The following PRKN variants were observed in gnomAD, a reference collection of about 807,000 sequenced individuals.
PRKN encodes E3 ubiquitin-protein ligase parkin.
A neutral mutation model predicts 59.5 loss-of-function variants in PRKN; 56 were observed. The ratio of observed to expected loss-of-function variants is 0.94; its 90% CI spans 0.76 to 1.18. The LOEUF (loss-of-function observed/expected upper bound fraction) is 1.18. Among genes scored for constraint, PRKN ranks in the 50% most tolerant of loss-of-function variants. The pLI, the probability that PRKN is intolerant of heterozygous loss-of-function variation, is 0.00. For synonymous variants in PRKN, 250 were observed against 222.1 expected (o/e 1.13, Z -1.12); for missense variants, 657 against 596.4 (o/e 1.10, Z -1.06).
intron 7 of PRKN, among the ~76,000 whole-genome samples, chr6:161,731,169 C>T (rs990640142): frequency 1.3e-5 from 2 of 152,218 alleles, no homozygotes; most frequent in South Asian, 2.1e-4. Flanking sequence ...TGATGTGTTG[C>T]ATTCTGATAT....
intron 6 of PRKN, among the ~76,000 whole-genome samples, chr6:161,947,970 AT>A (rs1779843509): frequency 6.6e-6 from 1 of 151,814 alleles, no homozygotes; most frequent in African/African-American, 2.4e-5. Context: ...TTGAGATGCA[AT>A]TTCTTTCTTT....
intron 1 of PRKN, among the ~76,000 whole-genome samples, chr6:162,561,555 G>A (rs1050176385): frequency 1.3e-5 from 2 of 152,104 alleles, no homozygotes; most frequent in African/African-American, 4.8e-5. Flanking sequence ...AGGCACTGAA[G>A]TGATTTAAAA....
intron 9 of PRKN, among the ~76,000 whole-genome samples, chr6:161,425,135 C>T (rs1283857641): frequency 6.6e-6 from 1 of 152,122 alleles, no homozygotes; most frequent in East Asian, 1.9e-4. Context: ...CTCTCACACA[C>T]ACTTACTTTA....
Position 161,977,541 on chromosome 6 carries a change from G to GTTTTT in PRKN, c.619-4125_619-4124insAAAAA, listed in dbSNP as rs1562433349. Among the ~76,000 whole-genome samples the GTTTTT allele has an allele frequency of 3.8e-3, 375 of 98,570 alleles. 15 individuals carry two copies. The highest frequency in any genetic ancestry group is 9.4e-3 in the African/African-American group (204 of 21,652). 64.7% of individuals were successfully genotyped at this position (98,570 alleles called of 152,430 possible). ...TATCTTCTCTACTTTCTGTTTTTTT[G>GTTTTT]GTTTTTTTTTTTTTTTTTTTTTTTA... is the stretch of plus-strand genomic sequence containing the variant. On this transcript the variant is annotated intron_variant, in intron 5 of 11. Coordinates refer to ENST00000366898, the MANE Select transcript of PRKN (RefSeq NM_004562.3).
At chr6:161,668,619 G>A (rs905345640) in intron 7 of PRKN, among the ~76,000 whole-genome samples, 4 of 152,116 alleles carry the variant, frequency 2.6e-5, no homozygotes, top group African/African-American at 4.8e-5. Flanking sequence ...AGTTAGGGTC[G>A]GACAAGTACA....
rs1249853400 is a variant in PRKN, at chr6:161,353,069, C to T, written c.1286-2858G>A. Among the ~76,000 whole-genome samples, 7 of 152,096 alleles carry T rather than the reference C, an allele frequency of 4.6e-5. No homozygotes were observed. Among genetic ancestry groups the T allele is most frequent in the African/African-American group, 1.4e-4 (6 of 41,408 alleles). On this transcript the variant is annotated intron_variant, in intron 11 of 11. Coordinates refer to ENST00000366898, the MANE Select transcript of PRKN (RefSeq NM_004562.3). The surrounding 1 kb of genome is among the most constrained non-coding windows in gnomAD (Gnocchi z 4.8). ...CTGGGATTACAGGCATGAGCCACCG[C>T]GCCTGGCTGATAGATGTGTTTTTCA...
chr6:162,160,979 A>C (rs1782732799), intron 4 of PRKN, among the ~76,000 whole-genome samples: 1 of 150,694 alleles, frequency 6.6e-6, no homozygotes, highest in Non-Finnish European at 1.5e-5. Context: ...AGGAAGAGGC[A>C]CCTTATGCAG....
At chr6:161,383,019 G>A (rs1466578759) in intron 10 of PRKN, among the ~76,000 whole-genome samples, 2 of 152,186 alleles carry the variant, frequency 1.3e-5, no homozygotes, top group Non-Finnish European at 2.9e-5. Flanking sequence ...GGGCTGATGA[G>A]GGTATTTAGT....
chr6:162,432,913 CA>C, intron 2 of PRKN, among the ~76,000 whole-genome samples: 1 of 152,232 alleles, frequency 6.6e-6, no homozygotes, highest in Non-Finnish European at 1.5e-5. Flanking sequence ...ACATTCAGTG[CA>C]TTAAAAAAGT....
rs1013108752 is a variant in PRKN, at chr6:161,410,770, G to T, written c.1084-23893C>A. ...ATGCATCATTGGTGCTCATGACAAC[G>T]GCACGCCAAGGGGCTTGATGGCAGC... On this transcript the variant is annotated intron_variant, in intron 9 of 11. Transcript: ENST00000366898. The surrounding 1 kb of genome is among the most constrained non-coding windows in gnomAD (Gnocchi z 5.3). 2.0e-5 allele frequency among the ~76,000 whole-genome samples: 3 copies of T among 152,126 alleles called. No homozygotes were observed. Among genetic ancestry groups the T allele is most frequent in the Admixed American group, 6.5e-5 (1 of 15,276 alleles).
At chr6:162,183,267 G>T (rs1783878292) in intron 4 of PRKN, among the ~76,000 whole-genome samples, 1 of 152,130 alleles carries the variant, frequency 6.6e-6, no homozygotes, top group Non-Finnish European at 1.5e-5. Context: ...GTCCTAAGGA[G>T]ACATGTAAGG....
At chr6:162,207,030 G>T (rs1464267568) in intron 3 of PRKN, among the ~76,000 whole-genome samples, 1 of 152,130 alleles carries the variant, frequency 6.6e-6, no homozygotes, top group East Asian at 1.9e-4. Context: ...ATTTGGACTG[G>T]ACTTCCTGAA....
At chr6:162,723,589 T>G (rs1322044681) in intron 1 of PRKN, among the ~76,000 whole-genome samples, 1 of 152,224 alleles carries the variant, frequency 6.6e-6, no homozygotes, top group Non-Finnish European at 1.5e-5. Flanking sequence ...TACTACCATG[T>G]TGTATTAGTG....
intron 2 of PRKN, among the ~76,000 whole-genome samples, chr6:162,305,561 A>G (rs992639451): frequency 1.3e-5 from 2 of 152,186 alleles, no homozygotes; most frequent in African/African-American, 4.8e-5. Context: ...CCAAAAAGCC[A>G]TATTAGCTAG....
At position 161,554,401 on chromosome 6, in the gene PRKN, T is replaced by TACAC. The variant is rs1486650809; in HGVS notation, c.934-5399_934-5398insGTGT. On this transcript the variant is annotated intron_variant, in intron 8 of 11. Coordinates refer to ENST00000366898, the MANE Select transcript of PRKN (RefSeq NM_004562.3). This position sits in a 1 kb window ranked among gnomAD's most constrained non-coding sequence, Gnocchi z 4.5. ...CTTAACCTTCATGTTATCTTACTTC[T>TACAC]ATACACACACACACACACACACACA... Among the ~76,000 whole-genome samples, 3 of 39,346 alleles carry TACAC rather than the reference T, an allele frequency of 7.6e-5. No individual in the cohort carries two copies. The highest frequency in any genetic ancestry group is 0.029 in the Middle Eastern group (2 of 68). The allele number at this position is 39,346 out of a possible 152,430, so 25.8% of individuals were successfully genotyped here.
At chr6:161,834,753 ATGC>A (rs1355974889) in intron 6 of PRKN, among the ~76,000 whole-genome samples, 6 of 152,194 alleles carry the variant, frequency 3.9e-5, no homozygotes, top group Non-Finnish European at 8.8e-5. Flanking sequence ...AGAAAAGCTG[ATGC>A]TACACACGCC....
intron 6 of PRKN, among the ~76,000 whole-genome samples, chr6:161,961,691 A>T (rs1284134812): frequency 6.6e-6 from 1 of 152,292 alleles, no homozygotes; most frequent in Middle Eastern, 3.4e-3. Context: ...ATCAGGCTTG[A>T]TCAGAAACGC....
intron 1 of PRKN, among the ~76,000 whole-genome samples, chr6:162,459,759 T>C (rs1163361487): frequency 6.6e-6 from 1 of 152,238 alleles, no homozygotes; most frequent in Non-Finnish European, 1.5e-5. Flanking sequence ...TGTTAGCAGC[T>C]ACTAAATAAA....
intron 3 of PRKN, among the ~76,000 whole-genome samples, chr6:162,208,168 G>C (rs2128333617): frequency 6.6e-6 from 1 of 152,236 alleles, no homozygotes; most frequent in African/African-American, 2.4e-5. Flanking sequence ...GTTATTACAT[G>C]AACACTCTTC....
Sources: gnomAD v4.1 joint callset for allele counts (sites outside exome capture counted in the v4.1 genomes callset) on GRCh38, gnomAD v4.1.1 for gene constraint, Gnocchi (gnomAD v3.1) non-coding constraint, MANE v1.5 for transcripts, NCBI Gene and HGNC (gene_info 2026-07-23, HGNC 2026-07-21) for gene names.